The following UGT2B15 variants were observed in gnomAD, a reference collection of about 807,000 sequenced individuals.
The protein encoded by UGT2B15 is UDP glucuronosyltransferase family 2 member B15, also known as UDP-glucuronosyltransferase 2B15.
UGT2B15 carries 36 observed loss-of-function variants against 45.9 expected under a neutral mutation model. The observed-to-expected ratio is 0.78, with a 90% CI of 0.60 to 1.04. UGT2B15 has a LOEUF of 1.04. UGT2B15 is among the 50% of genes least tolerant of loss of function. UGT2B15 has a pLI of 0.00. For synonymous variants in UGT2B15, 219 were observed against 216.4 expected (o/e 1.01, Z -0.11); for missense variants, 617 against 622.4 (o/e 0.99, Z 0.09).
At chr4:68,669,874 C>T (rs756222324) in intron 1 of UGT2B15, 21 bp downstream of exon 1, 1 of 1,584,014 alleles carries the variant, frequency 6.3e-7, no homozygotes, top group Non-Finnish European at 8.5e-7. Context: ...TTAATAAGCA[C>T]CAGTTAGACA....
chr4:68,647,230 G>A lies in UGT2B15; in HGVS notation c.1467C>T (p.Tyr489=). Residue 489 remains tyrosine, a synonymous_variant, in exon 6 of 6, where the codon TAC becomes TAT. Coordinates refer to ENST00000338206, the MANE Select transcript of UGT2B15 (RefSeq NM_001076.4). The part of the protein sequence containing the change: ...VAAHNLTWIQ[Y]HSLDVIAFLL... ...GGAATGCTATCACATCCAAAGAGTG[G>A]TACTGGATCCAGGTGAGGTTGTGAG... The A allele has an allele frequency of 2.5e-6, 4 of 1,613,960 alleles. No homozygotes were observed. The highest frequency in any genetic ancestry group is 1.1e-5 in the South Asian group (1 of 91,078).
At chr4:68,660,331 C>T (rs1415235578) in intron 3 of UGT2B15, among the ~76,000 whole-genome samples, 5 of 150,940 alleles carry the variant, frequency 3.3e-5, no homozygotes, top group African/African-American at 7.3e-5. Flanking sequence ...CTGACAGGCC[C>T]AGGAGCCCCA....
chr4:68,651,847 T>C lies in UGT2B15; in HGVS notation c.1313+2190A>G, dbSNP rs113104995. Among the ~76,000 whole-genome samples, 877 of 152,116 alleles carry C rather than the reference T, an allele frequency of 5.8e-3. 12 individuals carry two copies. Among genetic ancestry groups the C allele is most frequent in the African/African-American group, 0.02 (817 of 41,492 alleles). The stretch of plus-strand genomic sequence containing the variant: ...TTCTTTTTGCTTAGGATTGCCTTGG[T>C]TATATGGGCTCTTTTTTGTTTCCAT... On this transcript the variant is annotated intron_variant, in intron 5 of 5. Transcript: ENST00000338206.
At chr4:68,654,848 G>A (rs867692280) in intron 4 of UGT2B15, among the ~76,000 whole-genome samples, 1 of 152,096 alleles carries the variant, frequency 6.6e-6, no homozygotes, top group East Asian at 1.9e-4. Flanking sequence ...CCTGTGAGAG[G>A]AAATTACACC....
At position 68,668,051 on chromosome 4, in the gene UGT2B15, G is replaced by A. The variant is rs754721853; in HGVS notation, c.862C>T (p.Pro288Ser). 6.8e-6 allele frequency: 11 copies of A among 1,613,760 alleles called. No individual in the cohort carries two copies. The highest frequency in any genetic ancestry group is 2.7e-5 in the African/African-American group (2 of 74,880). Reference sequence around the variant, plus strand: ...AAGAATACATTTACCTTAGGCAGGGGTTTGGCTGGTTTACAGTGAAGTCCT... The same window carrying A: ...AAGAATACATTTACCTTAGGCAGGGATTTGGCTGGTTTACAGTGAAGTCCT... The part of the protein sequence containing the change: ...VGGLHCKPAK[P>S]LPKEMEEFVQ... Residue 288 changes from proline to serine, a missense_variant, in exon 2 of 6, where the codon CCC becomes TCC. Coordinates refer to ENST00000338206, the MANE Select transcript of UGT2B15 (RefSeq NM_001076.4).
intron 3 of UGT2B15, among the ~76,000 whole-genome samples, chr4:68,657,632 G>A (rs1314476625): frequency 6.6e-6 from 1 of 152,052 alleles, no homozygotes; most frequent in East Asian, 1.9e-4. Flanking sequence ...GTAAAATGAA[G>A]GTAATACGGT....
chr4:68,666,105 CT>C (rs1733111516), intron 2 of UGT2B15, among the ~76,000 whole-genome samples: 1 of 152,090 alleles, frequency 6.6e-6, no homozygotes, highest in Admixed American at 6.6e-5. Context: ...CTATCACTTT[CT>C]TTTAATGTGA....
At chr4:68,666,808 G>A (rs1385068327) in intron 2 of UGT2B15, among the ~76,000 whole-genome samples, 6 of 146,418 alleles carry the variant, frequency 4.1e-5, no homozygotes, top group East Asian at 2.0e-4. Flanking sequence ...GTGCAATAGC[G>A]TGATCTCGGC....
intron 5 of UGT2B15, among the ~76,000 whole-genome samples, chr4:68,650,200 G>T (rs139943078): frequency 0.025 from 3,789 of 152,040 alleles, 100 homozygotes; most frequent in Admixed American, 0.062. Context: ...AGAATGTGCA[G>T]GTTTGTTACA....
At chr4:68,661,641 C>T (rs1014023547) in intron 3 of UGT2B15, among the ~76,000 whole-genome samples, 7 of 152,010 alleles carry the variant, frequency 4.6e-5, no homozygotes, top group Non-Finnish European at 1.0e-4. Flanking sequence ...AATATTTAAA[C>T]TGCACATATG....
chr4:68,667,999 T>G, intron 2 of UGT2B15, 41 bp downstream of exon 2: 2 of 1,607,842 alleles, frequency 1.2e-6, no homozygotes, highest in Non-Finnish European at 1.7e-6. Context: ...CCATTCCTTC[T>G]GAAAATGTCA....
intron 5 of UGT2B15, among the ~76,000 whole-genome samples, chr4:68,648,686 A>G (rs1732556417): frequency 6.6e-6 from 1 of 152,156 alleles, no homozygotes; most frequent in Non-Finnish European, 1.5e-5. Flanking sequence ...CCAATTTATC[A>G]CAAACTGCAT....
intron 5 of UGT2B15, among the ~76,000 whole-genome samples, chr4:68,650,638 T>C (rs1365984064): frequency 6.6e-6 from 1 of 152,134 alleles, no homozygotes; most frequent in Non-Finnish European, 1.5e-5. Context: ...AGTAGAATGA[T>C]TTATATGCCT....
At chr4:68,649,210 A>G (rs1732577150) in intron 5 of UGT2B15, among the ~76,000 whole-genome samples, 1 of 151,038 alleles carries the variant, frequency 6.6e-6, no homozygotes, top group African/African-American at 2.4e-5. Flanking sequence ...AATCTGATAC[A>G]ATTTACTTAG....
intron 2 of UGT2B15, among the ~76,000 whole-genome samples, chr4:68,664,494 AAG>A (rs1733061953): frequency 6.6e-6 from 1 of 152,146 alleles, no homozygotes; most frequent in Non-Finnish European, 1.5e-5. Context: ...CAAATAAAAA[AAG>A]AAATTCTAAA....
intron 5 of UGT2B15, among the ~76,000 whole-genome samples, chr4:68,649,868 C>T (rs189754321): frequency 2.2e-4 from 34 of 151,126 alleles, no homozygotes; most frequent in Middle Eastern, 3.4e-3. Flanking sequence ...GATGGAGTCT[C>T]GCTCTGTCAC....
intron 2 of UGT2B15, among the ~76,000 whole-genome samples, chr4:68,664,779 T>C (rs1238251865): frequency 6.6e-6 from 1 of 152,066 alleles, no homozygotes; most frequent in African/African-American, 2.4e-5. Flanking sequence ...TTGGCCAGAC[T>C]GGTCTTGACC....
chr4:68,663,503 C>A (rs1260189583), intron 2 of UGT2B15, among the ~76,000 whole-genome samples: 1 of 151,926 alleles, frequency 6.6e-6, no homozygotes, highest in Non-Finnish European at 1.5e-5. Context: ...TACTTGGCTT[C>A]AATTCTAATT....
rs1341869932 is a variant in UGT2B15 at position 68,670,320 on chromosome 4, C to A, written c.299G>T (p.Gly100Val). Reference protein sequence around the residue: ...LLKILDRWIYGVSKNTFWSYF... With the variant: ...LLKILDRWIYVVSKNTFWSYF... ...TGACCAAAATGTATTTTTTGAAACA[C>A]CATATATCCATCTATCGAGAATTTT... Residue 100 changes from glycine (G) to valine (V), a missense_variant, in exon 1 of 6, where the codon GGT becomes GTT. Gly to Val is a moderately radical substitution (Grantham distance 109, BLOSUM62 -3). Around this residue, in one of 3 missense-constraint regions of UGT2B15, gnomAD observed 351 missense variants for 342.1 expected, o/e 1.03. Coordinates refer to ENST00000338206, the MANE Select transcript of UGT2B15 (RefSeq NM_001076.4). The A allele has an allele frequency of 1.2e-6, 2 of 1,613,922 alleles. No individual in the cohort carries two copies. The highest frequency in any genetic ancestry group is 1.3e-5 in the African/African-American group (1 of 75,002).
Sources: allele counts gnomAD v4.1 joint callset (sites outside exome capture counted in the v4.1 genomes callset), GRCh38; gene constraint gnomAD v4.1.1; regional missense constraint gnomAD v4.1.1; transcripts MANE v1.5; gene names NCBI Gene and HGNC (gene_info 2026-07-23, HGNC 2026-07-21).